OTOF: variants seen among roughly 807,000 people sequenced by gnomAD.
OTOF encodes the protein otoferlin.
OTOF carries 218 observed loss-of-function variants against 236.8 expected under a neutral mutation model. The ratio of observed to expected loss-of-function variants is 0.92; its 90% CI spans 0.82 to 1.03. The LOEUF is 1.03. Among genes scored for constraint, OTOF ranks in the 50% least tolerant of loss-of-function variants. The pLI is 0.00. For synonymous variants in OTOF, 1,041 were observed against 1,072.5 expected, an observed-to-expected ratio of 0.97 and a Z score of 0.57; for missense variants, 2,590 against 2,694.4, an observed-to-expected ratio of 0.96 and a Z score of 0.86.
At position 26,473,562 on chromosome 2, in the gene OTOF, C is replaced by T; in HGVS notation, c.3414G>A (p.Leu1138=). The change falls in exon 28 of 47, where the codon CTG becomes CTA. Residue 1138 remains leucine, a synonymous_variant. Transcript: ENST00000272371. The surrounding 1 kb of genome is among the most constrained non-coding windows in gnomAD (Gnocchi z 7.2). ...GCTTTAGGTCCCGTAGGCCCCAGAA[C>T]AGCACCTGGGAGAGGTTGGAGGGTG... ...PVLSKYRVEV[L]FWGLRDLKRV... is the part of the protein sequence containing the mutation. 6.2e-7 allele frequency: 1 copy of T among 1,605,428 alleles called. No individual in the cohort carries two copies. The highest frequency in any genetic ancestry group is 8.5e-7 in the Non-Finnish European group (1 of 1,177,762).
At chr2:26,553,431 C>T (rs2148138152) in intron 1 of OTOF, among the ~76,000 whole-genome samples, 1 of 152,302 alleles carries the variant, frequency 6.6e-6, no homozygotes, top group East Asian at 1.9e-4. Flanking sequence ...CCTCCTGCTC[C>T]TTTTCCCTCG....
At chr2:26,524,389 G>C (rs1666752121) in intron 3 of OTOF, among the ~76,000 whole-genome samples, 1 of 152,168 alleles carries the variant, frequency 6.6e-6, no homozygotes. Flanking sequence ...TGCACCTGTA[G>C]TCCCAGCTAC....
At chr2:26,558,174 G>T (rs1667642175) in intron 1 of OTOF, among the ~76,000 whole-genome samples, 1 of 151,760 alleles carries the variant, frequency 6.6e-6, no homozygotes, top group Admixed American at 6.5e-5. Context: ...GGGGGTCCTG[G>T]GTCTCCCTGA....
rs1240121049 is a variant in OTOF, at chr2:26,476,023, TGGAACGCCTGCTTCTCTGTG to T, written c.2867-5_2881del. The T allele has an allele frequency of 6.2e-7, 1 of 1,612,646 alleles. No individual in the cohort carries two copies. The highest frequency in any genetic ancestry group is 2.2e-5 in the East Asian group (1 of 44,864). On this transcript the variant is annotated splice_acceptor_variant and splice_polypyrimidine_tract_variant and coding_sequence_variant and intron_variant, in exon 24 of 47. Coordinates refer to ENST00000272371, the MANE Select transcript of OTOF (RefSeq NM_194248.3). LOFTEE classifies it high-confidence loss of function. ...GGCCTGGTACATGTGCGCTCGGAGC[TGGAACGCCTGCTTCTCTGTG>T]GGGAAGGGCAGCCTGAGGTTCCAGG...
chr2:26,493,748 A>G (rs937018595), intron 9 of OTOF, among the ~76,000 whole-genome samples: 2 of 152,134 alleles, frequency 1.3e-5, no homozygotes, highest in African/African-American at 4.8e-5. Flanking sequence ...GGGAAATCGA[A>G]GGGGAGCGGG....
chr2:26,472,160 C>T (rs1665015335), intron 30 of OTOF, among the ~76,000 whole-genome samples: 1 of 152,060 alleles, frequency 6.6e-6, no homozygotes, highest in Non-Finnish European at 1.5e-5. Flanking sequence ...CACATACATG[C>T]ACACACACAT....
intron 1 of OTOF, among the ~76,000 whole-genome samples, chr2:26,538,478 G>C (rs1667131067): frequency 6.6e-6 from 1 of 152,228 alleles, no homozygotes; most frequent in Non-Finnish European, 1.5e-5. Flanking sequence ...ATTGTCCCAG[G>C]CTCCCCCATC....
At chr2:26,463,617 G>T in intron 40 of OTOF, 46 bp from the exon 41 acceptor site, 3 of 1,462,036 alleles carry the variant, frequency 2.1e-6, no homozygotes, top group Non-Finnish European at 2.8e-6. Flanking sequence ...TTCTCCCTCT[G>T]CCCAGGAAGA....
In OTOF at chr2:26,525,244, C is replaced by G. The variant is rs76521813; in HGVS notation, c.227+2588G>C. On this transcript the variant is annotated intron_variant, in intron 3 of 46. Coordinates refer to ENST00000272371, the MANE Select transcript of OTOF (RefSeq NM_194248.3). ...GACAGCATTTCTGAAATGCCCTTGC[C>G]CCATACTCAGCTGAGATTTTGAAAG... 7.4e-3 allele frequency among the ~76,000 whole-genome samples: 1,132 copies of G among 152,206 alleles called. 15 individuals are homozygous for G. Among genetic ancestry groups the G allele is most frequent in the African/African-American group, 0.025 (1,035 of 41,516 alleles).
intron 2 of OTOF, among the ~76,000 whole-genome samples, chr2:26,532,466 G>A (rs947136784): frequency 2.0e-5 from 3 of 152,186 alleles, no homozygotes; most frequent in African/African-American, 4.8e-5. Context: ...TGCTGGGGGC[G>A]AACATTTGCT....
rs780497211 is a variant in OTOF at position 26,503,851 on chromosome 2, AG to A, written c.510-7del. ...AGAACACGCTCCTCCCGGCTCTGTG[AG>A]GGGGGCCACCAGAATGAGGTGCAGG... On this transcript the variant is annotated splice_region_variant and splice_polypyrimidine_tract_variant and intron_variant, in intron 5 of 46. Coordinates refer to ENST00000272371, the MANE Select transcript of OTOF (RefSeq NM_194248.3). The A allele has an allele frequency of 1.2e-6, 2 of 1,613,538 alleles. No homozygotes were observed. The highest frequency in any genetic ancestry group is 1.3e-5 in the African/African-American group (1 of 75,014).
chr2:26,475,243 G>A (rs1006839575), intron 25 of OTOF, 116 bp downstream of exon 25: 1 of 1,198,302 alleles, frequency 8.3e-7, no homozygotes, highest in Non-Finnish European at 1.2e-6. Flanking sequence ...ACCTGGCCAA[G>A]GAGCTCTGCA....
At chr2:26,459,552 CAAAAAAAA>C (rs58695074) in intron 46 of OTOF, among the ~76,000 whole-genome samples, 8 of 69,108 alleles carry the variant, frequency 1.2e-4, no homozygotes, top group Non-Finnish European at 2.1e-4. Flanking sequence ...ACTCTGTCTC[CAAAAAAAA>C]AAAAAAAAAA....
At position 26,558,610 on chromosome 2, in the gene OTOF, C is replaced by A. The variant is rs372446838; in HGVS notation, c.-39G>T. 6.5e-7 allele frequency: 1 copy of A among 1,550,250 alleles called. No individual in the cohort carries two copies. The highest frequency in any genetic ancestry group is 8.9e-7 in the Non-Finnish European group (1 of 1,122,906). ...GCCTGGCACTGCCAGGCAGGAGCAG[C>A]GGGAAGGAGCTAGCCGGTGGAGCAC... On this transcript the variant is annotated 5_prime_UTR_variant, in exon 1 of 47. Coordinates refer to ENST00000272371, the MANE Select transcript of OTOF (RefSeq NM_194248.3).
At chr2:26,468,315 G>T (rs991527363) in intron 33 of OTOF, 93 bp downstream of exon 33, 4 of 933,732 alleles carry the variant, frequency 4.3e-6, no homozygotes, top group Non-Finnish European at 7.1e-6. Context: ...GGGCTGGCAG[G>T]AGGGAAAAGA....
Position 26,477,321 on chromosome 2 carries a change from A to G in OTOF, c.2407-33T>C. 6.2e-7 allele frequency: 1 copy of G among 1,600,992 alleles called. No individual in the cohort carries two copies. ...GGAGGGGGTGTCAGTGAACCCAGCA[A>G]CTGGGGGACAGCTCGGGCCATGACA... On this transcript the variant is annotated intron_variant, in intron 20 of 46. Transcript: ENST00000272371. The surrounding 1 kb of genome is among the most constrained non-coding windows in gnomAD (Gnocchi z 4.7).
intron 5 of OTOF, among the ~76,000 whole-genome samples, chr2:26,507,327 T>G (rs1184523348): frequency 6.6e-6 from 1 of 152,252 alleles, no homozygotes; most frequent in Non-Finnish European, 1.5e-5. Flanking sequence ...AATTTTCTGA[T>G]CAGTAACACA....
intron 3 of OTOF, among the ~76,000 whole-genome samples, chr2:26,525,876 C>T (rs1666788395): frequency 6.6e-6 from 1 of 151,982 alleles, no homozygotes; most frequent in African/African-American, 2.4e-5. Flanking sequence ...CACTTGAGGT[C>T]AGGAGTTCGA....
chr2:26,497,290 G>A (rs908293185), intron 8 of OTOF, among the ~76,000 whole-genome samples: 6 of 151,900 alleles, frequency 3.9e-5, no homozygotes, highest in Non-Finnish European at 7.4e-5. Context: ...TAGTAGAGAC[G>A]AGGTTTCACC....
Sources: gnomAD v4.1 joint callset for allele counts (sites outside exome capture counted in the v4.1 genomes callset) on GRCh38, gnomAD v4.1.1 for gene constraint, Gnocchi (gnomAD v3.1) non-coding constraint, MANE v1.5 for transcripts, NCBI Gene and HGNC (gene_info 2026-07-23, HGNC 2026-07-21) for gene names.